The following MGA variants were observed in gnomAD, a reference collection of about 807,000 sequenced individuals.
MGA encodes MAX dimerization protein MGA, also known as MAX gene-associated protein.
MGA carries 40 observed loss-of-function variants against 261.1 expected under a neutral mutation model. The ratio of observed to expected loss-of-function variants is 0.15; its 90% CI spans 0.12 to 0.20. MGA has a LOEUF of 0.20. Ranked by LOEUF, MGA falls within the 10% of genes least tolerant of loss-of-function variation. MGA has a pLI of 1.00. For missense variants in MGA, 3,397 were observed against 3,630.5 expected, an observed-to-expected ratio of 0.94 and a Z score of 1.65; for synonymous variants, 1,302 against 1,290.6, an observed-to-expected ratio of 1.01 and a Z score of -0.19.
chr15:41,753,462 A>G (rs2616), intron 17 of MGA, among the ~76,000 whole-genome samples: 28,865 of 151,782 alleles, frequency 0.19, 3,402 homozygotes, highest in Non-Finnish European at 0.26. Context: ...TGCTTATCCT[A>G]TATATCCACA....
rs771882036 is a variant in MGA, at chr15:41,734,542, G to A, written c.3864G>A (p.Gln1288=). 3 of 1,608,936 alleles carry A rather than the reference G, an allele frequency of 1.9e-6. No individual in the cohort carries two copies. The highest frequency in any genetic ancestry group is 1.7e-5 in the Admixed American group (1 of 59,390). The change falls in exon 12 of 24, where the codon CAG becomes CAA. Residue 1288 remains glutamine, a synonymous_variant. Coordinates refer to ENST00000219905, the MANE Select transcript of MGA (RefSeq NM_001164273.2). ...TTCAGGAACCTGATTCTGAACAGCA[G>A]CCCTTAAAACAACTCACCTGTGACT... is the stretch of plus-strand genomic sequence containing the variant.
intron 1 of MGA, among the ~76,000 whole-genome samples, chr15:41,632,840 C>G (rs2056618984): frequency 6.6e-6 from 1 of 151,926 alleles, no homozygotes; most frequent in South Asian, 2.1e-4. Flanking sequence ...GGCAGAGAGC[C>G]CATTTGCTAG....
intron 22 of MGA, among the ~76,000 whole-genome samples, chr15:41,762,608 C>G (rs2063545066): frequency 1.3e-5 from 2 of 151,452 alleles, no homozygotes; most frequent in Non-Finnish European, 2.9e-5. Context: ...GCTGGGACTA[C>G]AGCGAGCACC....
intron 1 of MGA, 91 bp from the exon 2 acceptor site, chr15:41,668,737 A>G (rs2057899550): frequency 4.0e-6 from 2 of 503,060 alleles, no homozygotes; most frequent in East Asian, 5.9e-5. Context: ...TGGGGATAAC[A>G]TAATCGTTCT....
chr15:41,696,344 G>C lies in MGA; in HGVS notation c.1334G>C (p.Trp445Ser). Residue 445 changes from tryptophan to serine, a missense_variant, in exon 3 of 24, where the codon TGG (tryptophan) becomes TCG (serine). Around this residue, in one of 9 missense-constraint regions of MGA, gnomAD observed 563 missense variants for 563.6 expected, o/e 1.00. Coordinates refer to ENST00000219905, the MANE Select transcript of MGA (RefSeq NM_001164273.2). Reference sequence around the variant, plus strand: ...GAAGCTGACCATCTATCTTCTAAATGGCTTCCAAGCAGCCCATCAGGTGTT... The same window carrying C: ...GAAGCTGACCATCTATCTTCTAAATCGCTTCCAAGCAGCCCATCAGGTGTT... The C allele has an allele frequency of 6.2e-7, 1 of 1,613,926 alleles. No individual in the cohort carries two copies. Among genetic ancestry groups the C allele is most frequent in the South Asian group, 1.1e-5 (1 of 91,076 alleles).
intron 14 of MGA, among the ~76,000 whole-genome samples, chr15:41,740,909 G>A (rs955428978): frequency 6.6e-6 from 1 of 152,056 alleles, no homozygotes; most frequent in Non-Finnish European, 1.5e-5. Flanking sequence ...TTGTGTTTTA[G>A]CATTGAGAGT....
chr15:41,705,422 C>G (rs1354159189), intron 5 of MGA, among the ~76,000 whole-genome samples: 2 of 151,882 alleles, frequency 1.3e-5, no homozygotes, highest in African/African-American at 4.8e-5. Context: ...AATGCAGTGG[C>G]ACGATCATGG....
chr15:41,676,481 A>G (rs2058385179), intron 2 of MGA, among the ~76,000 whole-genome samples: 1 of 152,258 alleles, frequency 6.6e-6, no homozygotes, highest in Admixed American at 6.5e-5. Flanking sequence ...AACAAGAATT[A>G]ATTCACAAAT....
chr15:41,642,366 A>G (rs1239599915), intron 1 of MGA, among the ~76,000 whole-genome samples: 3 of 149,936 alleles, frequency 2.0e-5, no homozygotes, highest in African/African-American at 4.9e-5. Flanking sequence ...CTGGAGTGCA[A>G]TGGCGTGATC....
chr15:41,764,717 T>A (rs1408086392), intron 22 of MGA, among the ~76,000 whole-genome samples, 169 bp from the exon 23 acceptor site: 1 of 151,958 alleles, frequency 6.6e-6, no homozygotes, highest in Non-Finnish European at 1.5e-5. Flanking sequence ...AAAATTTTTC[T>A]TGTAGAGATG....
intron 9 of MGA, among the ~76,000 whole-genome samples, chr15:41,726,646 C>T (rs1011222481): frequency 8.6e-5 from 13 of 151,730 alleles, no homozygotes; most frequent in African/African-American, 3.2e-4. Context: ...TGAGAATCTC[C>T]TGAACATGGG....
intron 1 of MGA, among the ~76,000 whole-genome samples, chr15:41,638,171 T>C (rs2056747981): frequency 6.8e-6 from 1 of 147,226 alleles, no homozygotes; most frequent in African/African-American, 2.5e-5. Context: ...GTCTCCTGAA[T>C]AGCTGGAACT....
Position 41,749,759 on chromosome 15 carries a change from C to G in MGA, c.6152C>G (p.Ser2051Cys), listed in dbSNP as rs1452727477. The change falls in exon 17 of 24, where the codon TCC (serine) becomes TGC (cysteine). Residue 2051 changes from serine to cysteine, a missense_variant. By Grantham distance (112) the Ser-to-Cys change is moderately radical (BLOSUM62 -1). This residue lies in a region of MGA where 1,410 missense variants were observed against 1,386.4 expected (regional missense o/e 1.02). Coordinates refer to ENST00000219905, the MANE Select transcript of MGA (RefSeq NM_001164273.2). ...GCAACTGTCAAACCATCTGAGCATT[C>G]CTGTATCACTGGGTCACATACAGAT... The G allele has an allele frequency of 3.7e-6, 6 of 1,613,912 alleles. No homozygotes were observed.
At chr15:41,728,477 A>G (rs2061358319) in intron 10 of MGA, among the ~76,000 whole-genome samples, 1 of 152,232 alleles carries the variant, frequency 6.6e-6, no homozygotes, top group Non-Finnish European at 1.5e-5. Flanking sequence ...AATAACATAA[A>G]CAGTCAACAC....
chr15:41,629,971 A>G (rs1280603739), intron 1 of MGA, among the ~76,000 whole-genome samples: 1 of 152,140 alleles, frequency 6.6e-6, no homozygotes, highest in East Asian at 1.9e-4. Flanking sequence ...TGTTACTTGA[A>G]TCCTCATGTT....
At chr15:41,728,437 A>T (rs2061356706) in intron 10 of MGA, among the ~76,000 whole-genome samples, 1 of 152,196 alleles carries the variant, frequency 6.6e-6, no homozygotes, top group South Asian at 2.1e-4. Context: ...CTGAACTCTT[A>T]ATAGTGTACT....
chr15:41,673,385 T>G (rs993047331), intron 2 of MGA, among the ~76,000 whole-genome samples: 112 of 138,912 alleles, frequency 8.1e-4, no homozygotes, highest in Middle Eastern at 5.7e-3. Context: ...GCCTGGCTAA[T>G]TTTTGTATTT....
chr15:41,746,544 CAAAAAAA>C (rs869061461), intron 15 of MGA, among the ~76,000 whole-genome samples: 1 of 61,864 alleles, frequency 1.6e-5, no homozygotes, highest in East Asian at 5.3e-4. Context: ...GACTTCGTCT[CAAAAAAA>C]AAAAAAAAAA....
chr15:41,636,565 A>T (rs1192039086), intron 1 of MGA, among the ~76,000 whole-genome samples: 1 of 147,342 alleles, frequency 6.8e-6, no homozygotes, highest in Non-Finnish European at 1.5e-5. Flanking sequence ...GGTTGAAGTG[A>T]TTTCTGGCTT....
Sources: allele counts gnomAD v4.1 joint callset (sites outside exome capture counted in the v4.1 genomes callset), GRCh38; gene constraint gnomAD v4.1.1; regional missense constraint gnomAD v4.1.1; transcripts MANE v1.5; gene names NCBI Gene and HGNC (gene_info 2026-07-23, HGNC 2026-07-21).